TMC2: variants seen among roughly 807,000 people sequenced by gnomAD.
TMC2 encodes transmembrane channel-like protein 2.
TMC2 carries 102 observed loss-of-function variants against 105.9 expected under a neutral mutation model. The ratio of observed to expected loss-of-function variants is 0.96; its 90% confidence interval spans 0.82 to 1.14. The LOEUF (loss-of-function observed/expected upper bound fraction) is 1.14. Among genes scored for constraint, TMC2 ranks in the 50% most tolerant of loss-of-function variants. The probability of loss-of-function intolerance (pLI) is 0.00; values close to 1 mark genes in which losing one functional copy is unlikely to be tolerated. For synonymous variants in TMC2, 402 were observed against 422.8 expected (o/e 0.95, Z 0.60); for missense variants, 1,093 against 1,134.3 (o/e 0.96, Z 0.52).
At chr20:2,545,669 AAAG>A (rs758859396) in intron 2 of TMC2, among the ~76,000 whole-genome samples, 3 of 142,900 alleles carry the variant, frequency 2.1e-5, no homozygotes, top group South Asian at 2.2e-4. Context: ...AAAGCAAACA[AAAG>A]AAGAAGAAGA....
At chr20:2,623,578 G>A (rs566578578) in intron 16 of TMC2, among the ~76,000 whole-genome samples, 29 of 151,406 alleles carry the variant, frequency 1.9e-4, no homozygotes, top group African/African-American at 6.1e-4. Context: ...AATTGTCCAC[G>A]TGTCTCACCA....
rs2086004108 is a variant in TMC2 at position 2,558,832 on chromosome 20, C to T, written c.401+58C>T. 1 of 1,457,572 alleles carries T rather than the reference C, an allele frequency of 6.9e-7. No homozygotes were observed. Among genetic ancestry groups the T allele is most frequent in the Non-Finnish European group, 9.1e-7 (1 of 1,098,632 alleles). 90.3% of individuals were successfully genotyped at this position (1,457,572 alleles called of 1,614,324 possible). A position where few individuals can be genotyped will look rare whatever the true frequency, so the allele number is the denominator to read the frequency against. On this transcript the variant is annotated intron_variant, in intron 3 of 19. Coordinates refer to ENST00000358864, the MANE Select transcript of TMC2 (RefSeq NM_080751.3). This position sits in a 1 kb window ranked among gnomAD's most constrained non-coding sequence, Gnocchi z 4.6. ...CCGCGCGCTCCCGCTCCTTCGCGGC[C>T]CTTCCCCTTCCCCCGTGAGGGACTG...
intron 17 of TMC2, among the ~76,000 whole-genome samples, chr20:2,635,571 A>C (rs1477404960): frequency 6.6e-6 from 1 of 152,192 alleles, no homozygotes; most frequent in Admixed American, 6.5e-5. Flanking sequence ...CACATGGCAC[A>C]GAGCTTGGCA....
Position 2,616,284 on chromosome 20 carries a change from G to A in TMC2, c.1940+80G>A. On this transcript the variant is annotated intron_variant, in intron 15 of 19. Transcript: ENST00000358864. The surrounding 1 kb of genome is among the most constrained non-coding windows in gnomAD (Gnocchi z 4.8). ...AATCCCAGACTTTGCAACTTAACTA[G>A]TTGGAAGAGGCTAGATAAGTCCTCT... 1 of 1,180,480 alleles carries A rather than the reference G, an allele frequency of 8.5e-7. No homozygotes were observed. Among genetic ancestry groups the A allele is most frequent in the South Asian group, 1.2e-5 (1 of 82,062 alleles). 73.1% of individuals were successfully genotyped at this position (1,180,480 alleles called of 1,614,324 possible).
At chr20:2,602,433 C>A in intron 11 of TMC2, 132 bp downstream of exon 11, 1 of 641,194 alleles carries the variant, frequency 1.6e-6, no homozygotes. Flanking sequence ...ACATCCCCTT[C>A]CAGTCAAATA....
At chr20:2,599,846 G>A (rs181796465) in intron 10 of TMC2, among the ~76,000 whole-genome samples, 5 of 152,238 alleles carry the variant, frequency 3.3e-5, no homozygotes, top group East Asian at 1.9e-4. Flanking sequence ...ACTGCGCTTC[G>A]TTCTCTTTTC....
At chr20:2,611,163 C>A (rs1221627115) in intron 12 of TMC2, among the ~76,000 whole-genome samples, 1 of 152,130 alleles carries the variant, frequency 6.6e-6, no homozygotes, top group East Asian at 1.9e-4. Flanking sequence ...TCCCTGGGGA[C>A]CTTAGCAGAC....
chr20:2,620,289 A>G (rs748531028), intron 16 of TMC2, among the ~76,000 whole-genome samples: 1 of 152,218 alleles, frequency 6.6e-6, no homozygotes, highest in Non-Finnish European at 1.5e-5. Context: ...CCTTATCTAG[A>G]TTGCAAAATA....
In TMC2 at chr20:2,579,287, T is replaced by A. The variant is rs1317794876; in HGVS notation, c.727+60T>A. On this transcript the variant is annotated intron_variant, in intron 6 of 19. Coordinates refer to ENST00000358864, the MANE Select transcript of TMC2 (RefSeq NM_080751.3). ...TTTCCTAAAGCGTTTCCCAAGAGCTTGGATTGTTTCCTTGGCCCTCTGAAT... is the reference window on the plus strand; with the variant it reads ...TTTCCTAAAGCGTTTCCCAAGAGCTAGGATTGTTTCCTTGGCCCTCTGAAT... The A allele has an allele frequency of 4.8e-6, 5 of 1,037,324 alleles. No individual in the cohort carries two copies. The African/African-American group carries it at 7.9e-5, about 16-fold the overall frequency. 64.3% of individuals were successfully genotyped at this position (1,037,324 alleles called of 1,614,324 possible).
chr20:2,584,245 C>T (rs1201786764), intron 7 of TMC2, among the ~76,000 whole-genome samples: 2 of 151,558 alleles, frequency 1.3e-5, no homozygotes, highest in East Asian at 3.9e-4. Context: ...GAGATCGAGA[C>T]CATCCCGGCT....
chr20:2,559,045 C>G lies in TMC2; in HGVS notation c.401+271C>G, dbSNP rs576080826. ...CCTCGTGGCACCCGGTGAGGCGGGG[C>G]GCGGGTGGAGAGGTGGCGGGGCGCG... On this transcript the variant is annotated intron_variant, in intron 3 of 19. Coordinates refer to ENST00000358864, the MANE Select transcript of TMC2 (RefSeq NM_080751.3). 3.3e-3 allele frequency among the ~76,000 whole-genome samples: 500 copies of G among 152,042 alleles called. 5 individuals are homozygous for G. Among genetic ancestry groups the G allele is most frequent in the African/African-American group, 0.012 (482 of 41,506 alleles).
At position 2,536,630 on chromosome 20, in the gene TMC2, C is replaced by T; in HGVS notation, c.9C>T (p.His3=). The change falls in exon 1 of 20, where the codon CAC becomes CAT. Residue 3 remains histidine (H), a synonymous_variant. Transcript: ENST00000358864. MS[H]QVKGLKEEAR... ...CAGCAGTGCTGCTGACCATGAGCCA[C>T]CAGGTAAAGGGCCTGAAAGAGGAAG... is the stretch of plus-strand genomic sequence containing the variant. The T allele has an allele frequency of 6.4e-7, 1 of 1,574,684 alleles. No homozygotes were observed. The highest frequency in any genetic ancestry group is 8.6e-7 in the Non-Finnish European group (1 of 1,160,142).
chr20:2,585,437 C>T (rs1272741031), intron 7 of TMC2, among the ~76,000 whole-genome samples: 1 of 152,062 alleles, frequency 6.6e-6, no homozygotes, highest in Non-Finnish European at 1.5e-5. Flanking sequence ...AAATTACTCC[C>T]TATTTTTTCG....
At position 2,642,329 on chromosome 20, in the gene TMC2, A is replaced by C. The variant is rs2086695096; in HGVS notation, c.*978A>C. 6.6e-6 allele frequency among the ~76,000 whole-genome samples: 1 copy of C among 152,204 alleles called. No individual in the cohort carries two copies. The highest frequency in any genetic ancestry group is 6.5e-5 in the Admixed American group (1 of 15,284). Reference sequence around the variant, plus strand: ...TGGTGATACCCCAGTACCCAGCCCAAGGGAAGCTTACACCATGGAGCACAA... The same window carrying C: ...TGGTGATACCCCAGTACCCAGCCCACGGGAAGCTTACACCATGGAGCACAA... On this transcript the variant is annotated 3_prime_UTR_variant, in exon 20 of 20. Transcript: ENST00000358864.
intron 6 of TMC2, among the ~76,000 whole-genome samples, 157 bp downstream of exon 6, chr20:2,579,384 T>TTTTTA (rs781248394): frequency 2.0e-5 from 3 of 147,186 alleles, no homozygotes; most frequent in Non-Finnish European, 4.5e-5. Flanking sequence ...AAGATTTATT[T>TTTTTA]TTTATTTATT....
intron 10 of TMC2, among the ~76,000 whole-genome samples, chr20:2,599,435 T>G (rs2146219008): frequency 6.6e-6 from 1 of 150,994 alleles, no homozygotes; most frequent in East Asian, 1.9e-4. Flanking sequence ...GGGAAGCAAA[T>G]GAATGAAGGC....
At chr20:2,576,877 T>G (rs1273140808) in intron 5 of TMC2, among the ~76,000 whole-genome samples, 6 of 151,254 alleles carry the variant, frequency 4.0e-5, no homozygotes, top group Admixed American at 2.0e-4. Context: ...AAAGAGTATT[T>G]TTGGGTTTGG....
chr20:2,554,108 G>A (rs567916935), intron 2 of TMC2, among the ~76,000 whole-genome samples: 16 of 152,044 alleles, frequency 1.1e-4, no homozygotes, highest in Non-Finnish European at 1.9e-4. Context: ...GGCTGGTCTC[G>A]AACTCCTGAC....
chr20:2,581,137 TCAATTCTATCTG>T (rs1333772061), intron 7 of TMC2, among the ~76,000 whole-genome samples: 3 of 151,790 alleles, frequency 2.0e-5, no homozygotes, highest in Non-Finnish European at 4.4e-5. Context: ...CATATTGGAG[TCAATTCTATCTG>T]CAGTTACATT....
Sources: allele counts gnomAD v4.1 joint callset (sites outside exome capture counted in the v4.1 genomes callset), GRCh38; gene constraint gnomAD v4.1.1; non-coding constraint Gnocchi (gnomAD v3.1); transcripts MANE v1.5; gene names NCBI Gene and HGNC (gene_info 2026-07-23, HGNC 2026-07-21).